TSPAN9: variants seen among roughly 807,000 people sequenced by gnomAD.
TSPAN9 encodes tetraspanin-9.
In TSPAN9, 16 loss-of-function variants were observed where a neutral mutation model predicts 31.0. The ratio of observed to expected loss-of-function variants is 0.52; its 90% CI spans 0.35 to 0.78. The LOEUF (loss-of-function observed/expected upper bound fraction) is 0.78, where lower values mean the gene tolerates loss of function less well. Ranked by LOEUF, TSPAN9 falls within the 30% of genes least tolerant of loss-of-function variation. TSPAN9 has a pLI of 0.01. For missense variants in TSPAN9, 272 were observed against 312.5 expected, an observed-to-expected ratio of 0.87 and a Z score of 0.98; for synonymous variants, 145 against 121.6, an observed-to-expected ratio of 1.19 and a Z score of -1.27.
At chr12:3,243,027 C>T (rs926853471) in intron 3 of TSPAN9, among the ~76,000 whole-genome samples, 1 of 152,158 alleles carries the variant, frequency 6.6e-6, no homozygotes, top group African/African-American at 2.4e-5. Flanking sequence ...CTGAATCAGC[C>T]TGAGAAAGTT....
chr12:3,099,799 G>A (rs1442423008), intron 2 of TSPAN9, among the ~76,000 whole-genome samples: 1 of 151,358 alleles, frequency 6.6e-6, no homozygotes, highest in African/African-American at 2.4e-5. Flanking sequence ...ACCCTTCAGA[G>A]GATTCTACCG....
At chr12:3,220,503 C>T (rs1245641553) in intron 3 of TSPAN9, among the ~76,000 whole-genome samples, 1 of 152,192 alleles carries the variant, frequency 6.6e-6, no homozygotes. Flanking sequence ...CAAATATTGG[C>T]CGAGATGCTT....
intron 2 of TSPAN9, among the ~76,000 whole-genome samples, chr12:3,101,608 C>G (rs759315401): frequency 8.5e-5 from 13 of 152,162 alleles, no homozygotes; most frequent in Non-Finnish European, 4.4e-5. Flanking sequence ...TGTTTCCTGC[C>G]TAAAGTGGAT....
In TSPAN9 at chr12:3,079,927, G is replaced by A. The variant is rs115223515; in HGVS notation, c.-85+2474G>A. On this transcript the variant is annotated intron_variant, in intron 1 of 8. Coordinates refer to ENST00000011898, the MANE Select transcript of TSPAN9 (RefSeq NM_006675.5). Reference sequence around the variant, plus strand: ...CTGGGACTATAGGTACAGGCCCCATGCTCAGATAATTAAAAAAATTTTTTT... The same window carrying A: ...CTGGGACTATAGGTACAGGCCCCATACTCAGATAATTAAAAAAATTTTTTT... Among the ~76,000 whole-genome samples the A allele has an allele frequency of 5.9e-3, 894 of 150,784 alleles. 5 individuals are homozygous for A. The highest frequency in any genetic ancestry group is 0.021 in the African/African-American group (864 of 41,152).
chr12:3,230,146 C>T (rs1252246570), intron 3 of TSPAN9, among the ~76,000 whole-genome samples: 2 of 152,218 alleles, frequency 1.3e-5, no homozygotes, highest in Admixed American at 6.5e-5. Context: ...TCTATGGAGG[C>T]GTCCCCATCA....
chr12:3,156,448 G>A (rs2098342322), intron 2 of TSPAN9, among the ~76,000 whole-genome samples: 1 of 152,080 alleles, frequency 6.6e-6, no homozygotes, highest in South Asian at 2.1e-4. Context: ...TAGGGGAGGT[G>A]TTGGAGTTTG....
rs970166934 is a variant in TSPAN9, at chr12:3,085,951, C to T, written c.-18+2232C>T. On this transcript the variant is annotated intron_variant, in intron 2 of 8. Transcript: ENST00000011898. ...AGATGGTCCCCTGCCCCGTGAGTGG[C>T]GAGTGGCGGGGTCCTACTGCCTGAC... 2.0e-5 allele frequency among the ~76,000 whole-genome samples: 3 copies of T among 152,330 alleles called. No homozygotes were observed. The East Asian group carries it at 5.8e-4, about 29-fold the overall frequency.
chr12:3,188,961 T>G (rs889216262), intron 2 of TSPAN9, among the ~76,000 whole-genome samples: 3 of 152,150 alleles, frequency 2.0e-5, no homozygotes, highest in African/African-American at 7.2e-5. Flanking sequence ...TTTAGTTTCC[T>G]AAGTGTGCAC....
rs1369064744 is a variant in TSPAN9 at position 3,143,895 on chromosome 12, T to C, written c.-17-57282T>C. On this transcript the variant is annotated intron_variant, in intron 2 of 8. Coordinates refer to ENST00000011898, the MANE Select transcript of TSPAN9 (RefSeq NM_006675.5). This position sits in a 1 kb window ranked among gnomAD's most constrained non-coding sequence, Gnocchi z 4.2. ...TCTGCTTCTTTTTGCTGGAGCATGG[T>C]GTTTAGAAACCAAGATCTAGGTGCT... is the stretch of plus-strand genomic sequence containing the variant. 3.3e-5 allele frequency among the ~76,000 whole-genome samples: 5 copies of C among 152,188 alleles called. No homozygotes were observed. Among genetic ancestry groups the C allele is most frequent in the African/African-American group, 2.4e-5 (1 of 41,448 alleles).
intron 2 of TSPAN9, among the ~76,000 whole-genome samples, chr12:3,178,279 G>A (rs2098356978): frequency 6.6e-6 from 1 of 150,522 alleles, no homozygotes; most frequent in African/African-American, 2.5e-5. Flanking sequence ...GGAGATGAAG[G>A]GGTTTCTTTT....
At chr12:3,108,960 CAG>C (rs1010652794) in intron 2 of TSPAN9, among the ~76,000 whole-genome samples, 7 of 149,926 alleles carry the variant, frequency 4.7e-5, no homozygotes, top group South Asian at 2.1e-4. Context: ...TTTTTTGAGA[CAG>C]AGTCTCGCTC....
chr12:3,152,617 G>A (rs1027686234), intron 2 of TSPAN9, among the ~76,000 whole-genome samples: 2 of 145,354 alleles, frequency 1.4e-5, no homozygotes, highest in Non-Finnish European at 3.1e-5. Context: ...ACGGAGTCTC[G>A]CTCTGTTGCC....
At position 3,209,878 on chromosome 12, in the gene TSPAN9, G is replaced by T. The variant is rs182720579; in HGVS notation, c.63+8622G>T. On this transcript the variant is annotated intron_variant, in intron 3 of 8. Transcript: ENST00000011898. ...GGAGGCTGAGGCAGGAGAATGGCAT[G>T]AACCCTGGAGGCAGAGCTTGCAGTG... Among the ~76,000 whole-genome samples the T allele has an allele frequency of 9.6e-4, 139 of 144,184 alleles. 1 individual carries two copies. Among genetic ancestry groups the T allele is most frequent in the African/African-American group, 3.3e-3 (129 of 39,080 alleles). The allele number at this position is 144,184 out of a possible 152,430, so 94.6% of individuals were successfully genotyped here.
At chr12:3,218,264 C>T (rs566107998) in intron 3 of TSPAN9, among the ~76,000 whole-genome samples, 18 of 152,320 alleles carry the variant, frequency 1.2e-4, no homozygotes, top group Admixed American at 9.8e-4. Context: ...GAGCAAAGGA[C>T]AGATGGGGAG....
At chr12:3,093,923 C>T (rs530260628) in intron 2 of TSPAN9, among the ~76,000 whole-genome samples, 24 of 152,298 alleles carry the variant, frequency 1.6e-4, no homozygotes, top group East Asian at 3.9e-4. Flanking sequence ...AGTGCAGTAG[C>T]GCAATAATAG....
At chr12:3,233,815 G>A (rs2098392017) in intron 3 of TSPAN9, among the ~76,000 whole-genome samples, 1 of 152,178 alleles carries the variant, frequency 6.6e-6, no homozygotes, top group South Asian at 2.1e-4. Context: ...TTTGAGAAAT[G>A]CATCAGATCT....
At chr12:3,244,281 G>T (rs1469624746) in intron 3 of TSPAN9, among the ~76,000 whole-genome samples, 5 of 152,174 alleles carry the variant, frequency 3.3e-5, no homozygotes, top group Non-Finnish European at 7.3e-5. Flanking sequence ...GTCTTGGCTG[G>T]CCTTATCCTC....
chr12:3,095,916 T>C (rs2098308385), intron 2 of TSPAN9, among the ~76,000 whole-genome samples: 1 of 148,930 alleles, frequency 6.7e-6, no homozygotes. Context: ...GAGACACTCC[T>C]CACTTCCCAG....
chr12:3,112,337 C>T (rs1445702779), intron 2 of TSPAN9, among the ~76,000 whole-genome samples: 3 of 151,404 alleles, frequency 2.0e-5, no homozygotes, highest in East Asian at 2.0e-4. Flanking sequence ...CCACCATGCC[C>T]GGCTAATTTT....
Sources: allele counts gnomAD v4.1 joint callset (sites outside exome capture counted in the v4.1 genomes callset), GRCh38; gene constraint gnomAD v4.1.1; non-coding constraint Gnocchi (gnomAD v3.1); transcripts MANE v1.5; gene names NCBI Gene and HGNC (gene_info 2026-07-23, HGNC 2026-07-21).